PPME1: variants seen among roughly 807,000 people sequenced by gnomAD.
PPME1 encodes protein phosphatase methylesterase 1, also known as testicular secretory protein Li 39.
In PPME1, 17 loss-of-function variants were observed where a neutral mutation model predicts 56.9. The ratio of observed to expected loss-of-function variants is 0.30; its 90% confidence interval spans 0.20 to 0.45. PPME1 has a LOEUF of 0.45. Among genes scored for constraint, PPME1 ranks in the 20% least tolerant of loss-of-function variants. The pLI is 1.00. For missense variants in PPME1, 357 were observed against 483.2 expected, an observed-to-expected ratio of 0.74 and a Z score of 2.45; for synonymous variants, 122 against 156.2, an observed-to-expected ratio of 0.78 and a Z score of 1.63.
chr11:74,251,367 G>C, intron 12 of PPME1: 2 of 1,356,394 alleles, frequency 1.5e-6, no homozygotes, highest in East Asian at 5.5e-5. Context: ...ATTAATATGG[G>C]CTCCTCCTGT....
intron 4 of PPME1, 60 bp downstream of exon 4, chr11:74,222,429 G>T: frequency 7.2e-6 from 10 of 1,393,676 alleles, no homozygotes; most frequent in Non-Finnish European, 1.0e-5. Context: ...CCTTTGAATA[G>T]TTGTAACTAT....
At chr11:74,172,366 C>G (rs901657199) in intron 1 of PPME1, among the ~76,000 whole-genome samples, 2 of 152,120 alleles carry the variant, frequency 1.3e-5, no homozygotes, top group African/African-American at 2.4e-5. Flanking sequence ...TGAGAGATGA[C>G]TATAAATACG....
intron 2 of PPME1, 85 bp from the exon 3 acceptor site, chr11:74,204,268 A>G: frequency 9.5e-7 from 1 of 1,053,080 alleles, no homozygotes; most frequent in Middle Eastern, 2.3e-4. Context: ...TTTTGCATGT[A>G]AGTTTCTAGC....
At chr11:74,196,284 TA>T (rs1275251759) in intron 1 of PPME1, among the ~76,000 whole-genome samples, 1 of 152,250 alleles carries the variant, frequency 6.6e-6, no homozygotes, top group Non-Finnish European at 1.5e-5. Flanking sequence ...GTGTCTTTTT[TA>T]TCACTTCTGC....
chr11:74,230,548 A>G lies in PPME1; in HGVS notation c.553+149A>G. On this transcript the variant is annotated intron_variant, in intron 6 of 13. Transcript: ENST00000328257. This position sits in a 1 kb window ranked among gnomAD's most constrained non-coding sequence, Gnocchi z 4.9. Reference sequence around the variant, plus strand: ...TATCTTTTTTAAGTTTATACAAGATAACCATTTTTCCATGTCATCAAAAAC... The same window carrying G: ...TATCTTTTTTAAGTTTATACAAGATGACCATTTTTCCATGTCATCAAAAAC... 1 of 1,009,746 alleles carries G rather than the reference A, an allele frequency of 9.9e-7. No individual in the cohort carries two copies. The highest frequency in any genetic ancestry group is 1.4e-6 in the Non-Finnish European group (1 of 698,250). 62.5% of individuals were successfully genotyped at this position (1,009,746 alleles called of 1,614,324 possible).
chr11:74,175,027 A>G (rs1857370448), intron 1 of PPME1, among the ~76,000 whole-genome samples: 1 of 152,218 alleles, frequency 6.6e-6, no homozygotes, highest in Non-Finnish European at 1.5e-5. Context: ...GAACTTCTTT[A>G]TTAAAGCTTT....
At chr11:74,245,060 T>TGTCG (rs757679932) in intron 9 of PPME1, among the ~76,000 whole-genome samples, 2 of 152,214 alleles carry the variant, frequency 1.3e-5, no homozygotes, top group Non-Finnish European at 2.9e-5. Flanking sequence ...CTGGTCTATT[T>TGTCG]GTCTTTACGG....
At chr11:74,227,795 T>A (rs182044776) in intron 5 of PPME1, among the ~76,000 whole-genome samples, 1 of 152,278 alleles carries the variant, frequency 6.6e-6, no homozygotes, top group Non-Finnish European at 1.5e-5. Context: ...AATGCTCTGC[T>A]TGATTTTAAT....
intron 1 of PPME1, among the ~76,000 whole-genome samples, chr11:74,200,434 G>T (rs1029419286): frequency 6.6e-6 from 1 of 151,332 alleles, no homozygotes; most frequent in Non-Finnish European, 1.5e-5. Context: ...CAGGCTGGAG[G>T]GCAGTGGCAC....
chr11:74,185,499 C>T (rs1467288983), intron 1 of PPME1, among the ~76,000 whole-genome samples: 1 of 152,074 alleles, frequency 6.6e-6, no homozygotes, highest in Non-Finnish European at 1.5e-5. Context: ...TAATGCCACA[C>T]ACGTTGATTT....
chr11:74,224,930 C>G (rs1158852328), intron 4 of PPME1, among the ~76,000 whole-genome samples: 1 of 151,732 alleles, frequency 6.6e-6, no homozygotes, highest in Non-Finnish European at 1.5e-5. Flanking sequence ...ATTGAATACC[C>G]TTTATTTCCT....
chr11:74,210,840 A>G (rs923394950), intron 3 of PPME1, among the ~76,000 whole-genome samples: 1 of 152,198 alleles, frequency 6.6e-6, no homozygotes, highest in Non-Finnish European at 1.5e-5. Context: ...TAGCAGCATA[A>G]ATGGACTAAG....
At chr11:74,218,205 AG>A (rs1361539526) in intron 3 of PPME1, among the ~76,000 whole-genome samples, 1 of 152,196 alleles carries the variant, frequency 6.6e-6, no homozygotes, top group Non-Finnish European at 1.5e-5. Context: ...AATTAACCAA[AG>A]AAGTGAAATA....
chr11:74,253,613 G>A lies in PPME1; in HGVS notation c.*103G>A. On this transcript the variant is annotated 3_prime_UTR_variant, in exon 14 of 14. Coordinates refer to ENST00000328257, the MANE Select transcript of PPME1 (RefSeq NM_016147.3). ...TCTCCTCTCCATCCCGCCCAGCCATGTGACACTGGCTCCCGGTAGACGGGC... is the reference window on the plus strand; with the variant it reads ...TCTCCTCTCCATCCCGCCCAGCCATATGACACTGGCTCCCGGTAGACGGGC... The A allele has an allele frequency of 7.7e-7, 1 of 1,300,100 alleles. No individual in the cohort carries two copies. Among genetic ancestry groups the A allele is most frequent in the East Asian group, 2.3e-5 (1 of 43,360 alleles). The allele number at this position is 1,300,100 out of a possible 1,614,324, so 80.5% of individuals were successfully genotyped here.
At chr11:74,196,022 A>T (rs911694163) in intron 1 of PPME1, among the ~76,000 whole-genome samples, 2 of 152,230 alleles carry the variant, frequency 1.3e-5, no homozygotes, top group African/African-American at 4.8e-5. Flanking sequence ...GTGTTTCTAT[A>T]ATGACTAACA....
rs1857209842 is a variant in PPME1, at chr11:74,171,330, G to T, written c.-92G>T. On this transcript the variant is annotated 5_prime_UTR_variant, in exon 1 of 14. Transcript: ENST00000328257. Reference sequence around the variant, plus strand: ...TGCTGTCCAAAGGCGACAGGGCGTCGTTAGGGGAGCGAGTCGTGACCGGTT... The same window carrying T: ...TGCTGTCCAAAGGCGACAGGGCGTCTTTAGGGGAGCGAGTCGTGACCGGTT... The T allele has an allele frequency of 6.6e-7, 1 of 1,517,368 alleles. No individual in the cohort carries two copies. Among genetic ancestry groups the T allele is most frequent in the Non-Finnish European group, 8.8e-7 (1 of 1,130,384 alleles). 94.0% of individuals were successfully genotyped at this position (1,517,368 alleles called of 1,614,324 possible).
At chr11:74,235,174 C>G (rs1198285532) in intron 7 of PPME1, among the ~76,000 whole-genome samples, 1 of 152,174 alleles carries the variant, frequency 6.6e-6, no homozygotes, top group African/African-American at 2.4e-5. Flanking sequence ...CTCCTAGTGG[C>G]TTGCTTCAGG....
intron 2 of PPME1, among the ~76,000 whole-genome samples, 168 bp from the exon 3 acceptor site, chr11:74,204,185 G>C (rs1348853497): frequency 2.0e-5 from 3 of 151,424 alleles, no homozygotes; most frequent in Non-Finnish European, 4.4e-5. Context: ...GGTCACACAG[G>C]CTTCATGCTT....
At position 74,200,132 on chromosome 11, in the gene PPME1, TAAAA is replaced by T. The variant is rs373243638; in HGVS notation, c.102-3593_102-3590del. The stretch of plus-strand genomic sequence containing the variant: ...TAGTAATTAATCTAAAAATTATAAT[TAAAA>T]AAGGCCTACACAAACTATAATGACT... On this transcript the variant is annotated intron_variant, in intron 1 of 13. Coordinates refer to ENST00000328257, the MANE Select transcript of PPME1 (RefSeq NM_016147.3). Among the ~76,000 whole-genome samples, 783 of 152,246 alleles carry T rather than the reference TAAAA, an allele frequency of 5.1e-3. 6 individuals carry two copies. Among genetic ancestry groups the T allele is most frequent in the African/African-American group, 0.018 (749 of 41,524 alleles).
Sources: gnomAD v4.1 joint callset for allele counts (sites outside exome capture counted in the v4.1 genomes callset) on GRCh38, gnomAD v4.1.1 for gene constraint, Gnocchi (gnomAD v3.1) non-coding constraint, MANE v1.5 for transcripts, NCBI Gene and HGNC (gene_info 2026-07-23, HGNC 2026-07-21) for gene names.